The following DNM1L variants were observed in gnomAD, a reference collection of about 807,000 sequenced individuals.
The protein encoded by DNM1L is dynamin 1L.
A neutral mutation model predicts 92.8 loss-of-function variants in DNM1L; 33 were observed. The observed-to-expected ratio is 0.36, with a 90% CI of 0.27 to 0.48. DNM1L has a LOEUF of 0.48. DNM1L is among the 20% of genes least tolerant of loss of function. DNM1L has a pLI of 0.99. For missense variants in DNM1L, 485 were observed against 888.8 expected, an observed-to-expected ratio of 0.55 and a Z score of 5.78; for synonymous variants, 284 against 305.0, an observed-to-expected ratio of 0.93 and a Z score of 0.72.
chr12:32,741,718 A>G (rs997975648), intron 18 of DNM1L, among the ~76,000 whole-genome samples: 1 of 152,170 alleles, frequency 6.6e-6, no homozygotes, highest in African/African-American at 2.4e-5. Context: ...TTTGCTGTAC[A>G]TTTCCTATGT....
chr12:32,713,416 T>C (rs1953217217), intron 6 of DNM1L, 45 bp downstream of exon 6: 1 of 1,599,966 alleles, frequency 6.3e-7, no homozygotes. Context: ...TTTACAATGG[T>C]AAATCTACCC....
Position 32,737,877 on chromosome 12 carries a change from C to G in DNM1L, c.1609C>G (p.Pro537Ala), listed in dbSNP as rs561705501. Residue 537 changes from proline to alanine, a missense_variant, in exon 15 of 20, where the codon CCA becomes GCA. By Grantham distance (27) the Pro-to-Ala change is conservative. Transcript: ENST00000549701. ...AVSRDKSSKV[P>A]SALAPASQEP... ...TTTTTGCCTTTAGTCTTCTAAAGTT[C>G]CAAGTGCTTTGGCACCTGCCTCCCA... 6.2e-7 allele frequency: 1 copy of G among 1,613,940 alleles called. No individual in the cohort carries two copies. The highest frequency in any genetic ancestry group is 1.1e-5 in the South Asian group (1 of 91,066).
In DNM1L at chr12:32,712,447, TTACTC is replaced by T. The variant is rs1190824655; in HGVS notation, c.457-759_457-755del. Among the ~76,000 whole-genome samples the T allele has an allele frequency of 3.9e-5, 6 of 152,044 alleles. No individual in the cohort carries two copies. In the East Asian group the frequency reaches 9.6e-4, roughly 24 times the overall value. On this transcript the variant is annotated intron_variant, in intron 5 of 19. Coordinates refer to ENST00000549701, the MANE Select transcript of DNM1L (RefSeq NM_012062.5). ...AGTTGTCTCAGTGAAGTTTCCCTGATTACTCTATTTAAAAACATAATCCAATTTAA... is the reference window on the plus strand; with the variant it reads ...AGTTGTCTCAGTGAAGTTTCCCTGATTATTTAAAAACATAATCCAATTTAA...
rs1565516909 is a variant in DNM1L at position 32,717,229 on chromosome 12, T to TATATATATTTTATATATAGTATATAC, written c.620-1414_620-1413insATATATATTTTATATATAGTATATAC. Among the ~76,000 whole-genome samples, 329 of 106,522 alleles carry TATATATATTTTATATATAGTATATAC rather than the reference T, an allele frequency of 3.1e-3. 1 individual carries two copies. The highest frequency in any genetic ancestry group is 4.9e-3 in the Non-Finnish European group (278 of 57,066). 69.9% of individuals were successfully genotyped at this position (106,522 alleles called of 152,430 possible). A position where few individuals can be genotyped will look rare whatever the true frequency, so the allele number is the denominator to read the frequency against. On this transcript the variant is annotated intron_variant, in intron 6 of 19. Transcript: ENST00000549701. Reference sequence around the variant, plus strand: ...TATACTATAAAATATATAGTATATATTATATATATTTTATATATAGTATAT... The same window carrying TATATATATTTTATATATAGTATATAC: ...TATACTATAAAATATATAGTATATATATATATATTTTATATATAGTATATACTATATATATTTTATATATAGTATAT...
At position 32,731,960 on chromosome 12, in the gene DNM1L, T is replaced by C. The variant is rs770287250; in HGVS notation, c.1446+17T>C. On this transcript the variant is annotated intron_variant, in intron 12 of 19. Transcript: ENST00000549701. This position sits in a 1 kb window ranked among gnomAD's most constrained non-coding sequence, Gnocchi z 5.1. ...AATGAAATGGTGAGCTACTATAGCA[T>C]AGATCATTGTAATTACTATTAGTAA... The C allele has an allele frequency of 1.2e-4, 191 of 1,581,180 alleles. No homozygotes were observed. Among genetic ancestry groups the C allele is most frequent in the South Asian group, 2.3e-4 (21 of 90,294 alleles).
chr12:32,729,596 C>A (rs1313512434), intron 9 of DNM1L, among the ~76,000 whole-genome samples: 2 of 151,988 alleles, frequency 1.3e-5, no homozygotes, highest in Admixed American at 6.6e-5. Flanking sequence ...ACTACAGGTG[C>A]CCACCACCAC....
At chr12:32,694,255 T>C (rs1305103699) in intron 1 of DNM1L, among the ~76,000 whole-genome samples, 1 of 152,072 alleles carries the variant, frequency 6.6e-6, no homozygotes, top group East Asian at 1.9e-4. Flanking sequence ...CCGTGTAATT[T>C]TTGTATTTTT....
chr12:32,700,568 A>G (rs1952660160), intron 1 of DNM1L, among the ~76,000 whole-genome samples: 1 of 151,976 alleles, frequency 6.6e-6, no homozygotes, highest in South Asian at 2.1e-4. Context: ...GCAACATGGC[A>G]AAGCCCCACC....
chr12:32,731,751 C>T lies in DNM1L; in HGVS notation c.1357-103C>T. 1 of 1,061,862 alleles carries T rather than the reference C, an allele frequency of 9.4e-7. No individual in the cohort carries two copies. Among genetic ancestry groups the T allele is most frequent in the African/African-American group, 1.6e-5 (1 of 63,518 alleles). The allele number at this position is 1,061,862 out of a possible 1,614,324, so 65.8% of individuals were successfully genotyped here. A position where few individuals can be genotyped will look rare whatever the true frequency, so the allele number is the denominator to read the frequency against. On this transcript the variant is annotated intron_variant, in intron 11 of 19. Coordinates refer to ENST00000549701, the MANE Select transcript of DNM1L (RefSeq NM_012062.5). The surrounding 1 kb of genome is among the most constrained non-coding windows in gnomAD (Gnocchi z 5.1). ...TGGCATGGTGGCTTCTACATGTAGT[C>T]TCAGCTACTTGGGAGGCTAAGGTGG...
intron 1 of DNM1L, among the ~76,000 whole-genome samples, chr12:32,682,024 G>A (rs1416487939): frequency 6.6e-6 from 1 of 152,004 alleles, no homozygotes; most frequent in Non-Finnish European, 1.5e-5. Flanking sequence ...ACAACTTCAA[G>A]TGTAGTCTCT....
In DNM1L at chr12:32,696,414, AC is replaced by A. The variant is rs1269437257; in HGVS notation, c.103-5000del. 3.9e-4 allele frequency among the ~76,000 whole-genome samples: 57 copies of A among 146,784 alleles called. No homozygotes were observed. In the East Asian group the frequency reaches 9.4e-3, roughly 24 times the overall value. On this transcript the variant is annotated intron_variant, in intron 1 of 19. Coordinates refer to ENST00000549701, the MANE Select transcript of DNM1L (RefSeq NM_012062.5). ...CACACACACACACACACACACACAC[AC>A]AATATAGTGAGACCCTGTCTACACA... is the stretch of plus-strand genomic sequence containing the variant.
At chr12:32,732,645 G>A (rs1954625874) in intron 12 of DNM1L, 1 of 450,232 alleles carries the variant, frequency 2.2e-6, no homozygotes, top group Admixed American at 2.4e-5. Context: ...CTTTAGCAAG[G>A]ATAGCCCTCA....
chr12:32,717,076 T>TATATAAAATATATATAAATATATAAA (rs1953417490), intron 6 of DNM1L, among the ~76,000 whole-genome samples: 1 of 132,772 alleles, frequency 7.5e-6, no homozygotes, highest in African/African-American at 2.8e-5. Context: ...TACATAGGTA[T>TATATAAAATATATATAAATATATAAA]ATATATATAT....
chr12:32,729,983 A>G (rs1954440527), intron 9 of DNM1L, among the ~76,000 whole-genome samples: 2 of 152,184 alleles, frequency 1.3e-5, no homozygotes, highest in African/African-American at 4.8e-5. Flanking sequence ...ATTCAGATGG[A>G]CTTGAATTTA....
rs1297238215 is a variant in DNM1L at position 32,740,067 on chromosome 12, G to C, written c.1711G>C (p.Ala571Pro). The stretch of plus-strand genomic sequence containing the variant: ...GTTTTGGAACATGTTTTTTCAGGTT[G>C]CATCTGGAGGTGGTGGGGTTGGAGA... ...QDSRRETKNVASGGGGVGDGV... is the reference protein window; with the variant it reads ...QDSRRETKNVPSGGGGVGDGV... Residue 571 changes from alanine to proline, a missense_variant, in exon 17 of 20, where the codon GCA (alanine) becomes CCA (proline). Physicochemically the swap from Ala to Pro is conservative, Grantham distance 27. Around this residue, in one of 11 missense-constraint regions of DNM1L, gnomAD observed 133 missense variants for 210.9 expected, o/e 0.63. Transcript: ENST00000549701. The C allele has an allele frequency of 1.2e-6, 2 of 1,614,028 alleles. No homozygotes were observed. The highest frequency in any genetic ancestry group is 1.1e-5 in the South Asian group (1 of 91,080).
At chr12:32,721,511 T>C (rs937123971) in intron 8 of DNM1L, among the ~76,000 whole-genome samples, 6 of 152,148 alleles carry the variant, frequency 3.9e-5, no homozygotes, top group African/African-American at 1.4e-4. Flanking sequence ...TTCCTTGCTT[T>C]TATTATTTAG....
In DNM1L at chr12:32,701,450, G is replaced by A. The variant is rs1057522500; in HGVS notation, c.138G>A (p.Val46=). 1 of 1,613,932 alleles carries A rather than the reference G, an allele frequency of 6.2e-7. No individual in the cohort carries two copies. The highest frequency in any genetic ancestry group is 8.5e-7 in the Non-Finnish European group (1 of 1,179,826). ...AGAGCTCAGTGCTAGAAAGCCTGGT[G>A]GGGAGGGACCTGCTTCCCAGAGGTA... is the stretch of plus-strand genomic sequence containing the variant. ...SGKSSVLESL[V]GRDLLPRGTG... Residue 46 remains valine (V), a synonymous_variant, in exon 2 of 20, where the codon GTG becomes GTA. Coordinates refer to ENST00000549701, the MANE Select transcript of DNM1L (RefSeq NM_012062.5).
At chr12:32,738,383 T>C in intron 16 of DNM1L, 87 bp downstream of exon 16, 2 of 1,381,210 alleles carry the variant, frequency 1.4e-6, no homozygotes, top group South Asian at 2.3e-5. Context: ...AACCTGTTTG[T>C]GTAGTGGTAT....
intron 6 of DNM1L, among the ~76,000 whole-genome samples, chr12:32,715,093 CT>C (rs369946346): frequency 0.011 from 1,594 of 139,776 alleles, 19 homozygotes; most frequent in African/African-American, 0.03. Context: ...TTAATCTAAT[CT>C]TTTTTTTTTT....
Sources: gnomAD v4.1 joint callset for allele counts (sites outside exome capture counted in the v4.1 genomes callset) on GRCh38, gnomAD v4.1.1 for gene constraint, gnomAD v4.1.1 regional missense constraint, Gnocchi (gnomAD v3.1) non-coding constraint, MANE v1.5 for transcripts, NCBI Gene and HGNC (gene_info 2026-07-23, HGNC 2026-07-21) for gene names.